Variants in FAHD2A observed in about 807,000 individuals in gnomAD.
The protein encoded by FAHD2A is oxaloacetate tautomerase FAHD2A, mitochondrial.
Under a neutral mutation model 33.4 loss-of-function variants are expected in FAHD2A, and 27 were observed. The observed-to-expected ratio is 0.81, with a 90% CI of 0.60 to 1.11. FAHD2A has a LOEUF of 1.11. Among genes scored for constraint, FAHD2A ranks in the 50% most tolerant of loss-of-function variants. The pLI, the probability that FAHD2A is intolerant of heterozygous loss-of-function variation, is 0.00. For synonymous variants in FAHD2A, 130 were observed against 153.3 expected (o/e 0.85, Z 1.12); for missense variants, 296 against 395.0 (o/e 0.75, Z 2.12).
At chr2:95,412,386 T>G (rs1045230849) in intron 5 of FAHD2A, 48 bp from the exon 6 acceptor site, 1 of 1,607,810 alleles carries the variant, frequency 6.2e-7, no homozygotes, top group African/African-American at 1.3e-5. Context: ...TATTGGGGGG[T>G]TTGAGGGGGA....
downstream of FAHD2A, among the ~76,000 whole-genome samples, chr2:95,418,678 A>G (rs923486376): frequency 1.3e-5 from 2 of 152,030 alleles, no homozygotes; most frequent in Non-Finnish European, 2.9e-5. Context: ...GAATGAGTAA[A>G]AGCCATCGAG....
At position 95,412,748 on chromosome 2, in the gene FAHD2A, C is replaced by T. The variant is rs758414938; in HGVS notation, c.866C>T (p.Pro289Leu). The change falls in exon 7 of 8, where the codon CCT (proline) becomes CTT (leucine). Residue 289 changes from proline to leucine, a missense_variant. Pro to Leu is a moderately conservative substitution (Grantham distance 98). Transcript: ENST00000233379. ...CCAGGTGTCGGTGTATTCAGGAAAC[C>T]TCCTGTCTTTCTCAAGGTAGGTTAG... ...TPPGVGVFRKPPVFLKKGDEV... is the reference protein window; with the variant it reads ...TPPGVGVFRKLPVFLKKGDEV... 1 of 1,614,050 alleles carries T rather than the reference C, an allele frequency of 6.2e-7. No homozygotes were observed. Among genetic ancestry groups the T allele is most frequent in the Non-Finnish European group, 8.5e-7 (1 of 1,180,010 alleles).
chr2:95,410,330 T>G (rs1295432516), intron 3 of FAHD2A, among the ~76,000 whole-genome samples, 197 bp from the exon 4 acceptor site: 1 of 152,222 alleles, frequency 6.6e-6, no homozygotes, highest in Admixed American at 6.5e-5. Flanking sequence ...TGTCTGCCAC[T>G]GCCCAAAATG....
intron 3 of FAHD2A, among the ~76,000 whole-genome samples, chr2:95,409,025 A>G (rs1285531807): frequency 6.6e-6 from 1 of 152,136 alleles, no homozygotes; most frequent in Non-Finnish European, 1.5e-5. Context: ...TTTCTTCATG[A>G]TTAGTGTCAG....
intron 1 of FAHD2A, among the ~76,000 whole-genome samples, chr2:95,403,436 A>G (rs1681041344): frequency 6.6e-6 from 1 of 152,220 alleles, no homozygotes; most frequent in African/African-American, 2.4e-5. Flanking sequence ...CTGAGGCAAC[A>G]GCCAGAGGGC....
Position 95,414,214 on chromosome 2 carries a change from C to T in FAHD2A, c.*1257C>T, listed in dbSNP as rs1682936517. On this transcript the variant is annotated 3_prime_UTR_variant, in exon 8 of 8. Coordinates refer to ENST00000233379, the MANE Select transcript of FAHD2A (RefSeq NM_016044.3). ...AGCAGCCACCAGCAAACACCACTGC[C>T]TGCAGGAGCCTGGGCTGACTGGTTG... is the stretch of plus-strand genomic sequence containing the variant. The T allele has an allele frequency of 2.9e-5, 47 of 1,595,170 alleles. No individual in the cohort carries two copies. The highest frequency in any genetic ancestry group is 3.8e-5 in the Non-Finnish European group (44 of 1,171,788).
Position 95,414,216 on chromosome 2 carries a change from G to A in FAHD2A, c.*1259G>A. The A allele has an allele frequency of 6.3e-7, 1 of 1,596,530 alleles. No individual in the cohort carries two copies. Among genetic ancestry groups the A allele is most frequent in the Non-Finnish European group, 8.5e-7 (1 of 1,172,310 alleles). On this transcript the variant is annotated 3_prime_UTR_variant, in exon 8 of 8. Coordinates refer to ENST00000233379, the MANE Select transcript of FAHD2A (RefSeq NM_016044.3). ...CAGCCACCAGCAAACACCACTGCCT[G>A]CAGGAGCCTGGGCTGACTGGTTGGG...
chr2:95,403,288 C>T (rs1015900220), intron 1 of FAHD2A, among the ~76,000 whole-genome samples: 1 of 152,136 alleles, frequency 6.6e-6, no homozygotes, highest in African/African-American at 2.4e-5. Flanking sequence ...TCTCAGTGTC[C>T]TCTTCTTTAA....
downstream of FAHD2A, among the ~76,000 whole-genome samples, chr2:95,417,448 C>G (rs984633018): frequency 1.3e-5 from 2 of 152,020 alleles, no homozygotes; most frequent in Non-Finnish European, 2.9e-5. Flanking sequence ...TTGGGAGGCT[C>G]TCTACCAGAG....
Position 95,414,054 on chromosome 2 carries a change from G to A in FAHD2A, c.*1097G>A. On this transcript the variant is annotated 3_prime_UTR_variant, in exon 8 of 8. Coordinates refer to ENST00000233379, the MANE Select transcript of FAHD2A (RefSeq NM_016044.3). ...AGAAGTGAAGGCTCTAGGTAGGGAG[G>A]ACAGGGAGACACTGGGCACAGGCTT... 1 of 1,421,416 alleles carries A rather than the reference G, an allele frequency of 7.0e-7. No homozygotes were observed. Among genetic ancestry groups the A allele is most frequent in the East Asian group, 2.3e-5 (1 of 43,844 alleles). 88.1% of individuals were successfully genotyped at this position (1,421,416 alleles called of 1,614,324 possible).
intron 3 of FAHD2A, among the ~76,000 whole-genome samples, chr2:95,408,031 A>G (rs979712225): frequency 1.4e-4 from 19 of 132,478 alleles, no homozygotes; most frequent in Admixed American, 5.9e-4. Context: ...CATGGCAAAC[A>G]CACATTTTTT....
At chr2:95,419,489 T>C (rs1333088122), downstream of FAHD2A, among the ~76,000 whole-genome samples, 1 of 151,998 alleles carries the variant, frequency 6.6e-6, no homozygotes, top group Non-Finnish European at 1.5e-5. Flanking sequence ...TGAGGGACAC[T>C]TTGTCATCCT....
chr2:95,408,895 T>C (rs1682044801), intron 3 of FAHD2A, among the ~76,000 whole-genome samples: 1 of 152,258 alleles, frequency 6.6e-6, no homozygotes. Context: ...AAGTTGATTA[T>C]AGCAGATGTT....
rs1337270331 is a variant in FAHD2A at position 95,413,239 on chromosome 2, A to G, written c.*282A>G. 8.2e-7 allele frequency: 1 copy of G among 1,214,720 alleles called. No homozygotes were observed. Among genetic ancestry groups the G allele is most frequent in the East Asian group, 2.6e-5 (1 of 38,728 alleles). 75.2% of individuals were successfully genotyped at this position (1,214,720 alleles called of 1,614,324 possible). On this transcript the variant is annotated 3_prime_UTR_variant, in exon 8 of 8. Transcript: ENST00000233379. ...AGCAAATACACACACATATGCCAAA[A>G]AGATGCTGCTGGGCTGGGGAAAAGA...
At position 95,407,014 on chromosome 2, in the gene FAHD2A, A is replaced by T; in HGVS notation, c.319A>T (p.Lys107Ter). ...TFLAPVTRPD[K>*]VVCVGMNYVD... ...CCTGGCTCCAGTCACACGACCAGAT[A>T]AGGTGGTGTGTGTGGGCATGAATTA... Residue 107 changes from lysine (K) to a stop codon, truncating the protein, a stop_gained, in exon 3 of 8, where the codon AAG becomes TAG. Transcript: ENST00000233379. LOFTEE classifies it high-confidence loss of function. 1 of 1,613,934 alleles carries T rather than the reference A, an allele frequency of 6.2e-7. No homozygotes were observed. Among genetic ancestry groups the T allele is most frequent in the Non-Finnish European group, 8.5e-7 (1 of 1,179,862 alleles).
At chr2:95,417,684 G>A (rs1683247121), downstream of FAHD2A, among the ~76,000 whole-genome samples, 1 of 152,060 alleles carries the variant, frequency 6.6e-6, no homozygotes, top group Non-Finnish European at 1.5e-5. Context: ...ATGGTCAGGA[G>A]CATGATGAGG....
rs1213141422 is a variant in FAHD2A, at chr2:95,407,169, C to T, written c.462+12C>T. ...CACCACAGAGCCAGGTCAGTGTCTC[C>T]CCACTGCCCTCCCTAGTCACTGGGC... On this transcript the variant is annotated intron_variant, in intron 3 of 7. Transcript: ENST00000233379. 2 of 1,611,864 alleles carry T rather than the reference C, an allele frequency of 1.2e-6. No individual in the cohort carries two copies. Among genetic ancestry groups the T allele is most frequent in the African/African-American group, 1.3e-5 (1 of 74,852 alleles).
At position 95,413,097 on chromosome 2, in the gene FAHD2A, G is replaced by T; in HGVS notation, c.*140G>T. The T allele has an allele frequency of 7.3e-6, 9 of 1,234,264 alleles. No homozygotes were observed. Among genetic ancestry groups the T allele is most frequent in the Non-Finnish European group, 1.0e-5 (9 of 888,668 alleles). The allele number at this position is 1,234,264 out of a possible 1,614,324, so 76.5% of individuals were successfully genotyped here. ...TCTCGGTAGAAGGGAGAAGGACAGA[G>T]CTCTCTTCAATAAATTCGTCAGGTC... On this transcript the variant is annotated 3_prime_UTR_variant, in exon 8 of 8. Transcript: ENST00000233379.
At chr2:95,406,080 T>C (rs966246808) in intron 2 of FAHD2A, among the ~76,000 whole-genome samples, 1 of 149,876 alleles carries the variant, frequency 6.7e-6, no homozygotes, top group Non-Finnish European at 1.5e-5. Flanking sequence ...TCACACTGCC[T>C]CCTCTGGGAA....
Sources: allele counts gnomAD v4.1 joint callset (sites outside exome capture counted in the v4.1 genomes callset), GRCh38; gene constraint gnomAD v4.1.1; transcripts MANE v1.5; gene names NCBI Gene and HGNC (gene_info 2026-07-23, HGNC 2026-07-21).